The following MFSD8 variants were observed in gnomAD, a reference collection of about 807,000 sequenced individuals.
MFSD8 encodes major facilitator superfamily domain containing 8.
Under a neutral mutation model 66.4 loss-of-function variants are expected in MFSD8, and 55 were observed. The observed-to-expected ratio is 0.83, with a 90% CI of 0.67 to 1.04. The LOEUF (loss-of-function observed/expected upper bound fraction) is 1.04. Ranked by LOEUF, MFSD8 falls within the 50% of genes least tolerant of loss-of-function variation. The pLI is 0.00. For missense variants in MFSD8, 550 were observed against 627.6 expected (o/e 0.88, Z 1.32); for synonymous variants, 202 against 212.8 (o/e 0.95, Z 0.44).
chr4:127,928,001 C>T (rs1737503580), intron 9 of MFSD8, among the ~76,000 whole-genome samples: 1 of 152,064 alleles, frequency 6.6e-6, no homozygotes, highest in African/African-American at 2.4e-5. Context: ...GCTGGGGTTG[C>T]AGATGTGAGT....
rs369032119 is a variant in MFSD8, at chr4:127,965,170, T to C, written c.-37A>G. On this transcript the variant is annotated 5_prime_UTR_variant, in exon 1 of 12. Transcript: ENST00000641686. Reference sequence around the variant, plus strand: ...CTACAAGGCGTCTTGCGCCCAACTCTCGCGACACCTGCTTTCTCCCATCCC... The same window carrying C: ...CTACAAGGCGTCTTGCGCCCAACTCCCGCGACACCTGCTTTCTCCCATCCC... 2 of 1,612,490 alleles carry C rather than the reference T, an allele frequency of 1.2e-6. No homozygotes were observed. Among genetic ancestry groups the C allele is most frequent in the Non-Finnish European group, 1.7e-6 (2 of 1,179,302 alleles).
intron 1 of MFSD8, among the ~76,000 whole-genome samples, chr4:127,960,691 T>A (rs528977381): frequency 6.6e-6 from 1 of 152,240 alleles, no homozygotes; most frequent in African/African-American, 2.4e-5. Context: ...GAGACTAGGC[T>A]AAGGTTGCAA....
At chr4:127,933,262 T>G in intron 7 of MFSD8, 169 bp from the exon 8 acceptor site, 1 of 551,224 alleles carries the variant, frequency 1.8e-6, no homozygotes, top group Non-Finnish European at 3.2e-6. Flanking sequence ...TTTTATTTTT[T>G]GAGACAGGGT....
upstream of MFSD8, chr4:127,965,462 C>T: frequency 2.1e-6 from 1 of 477,214 alleles, no homozygotes; most frequent in South Asian, 2.2e-5. Context: ...TCTCCTTCCG[C>T]TGTATCTAGC....
At chr4:127,964,355 C>G (rs1490382591) in intron 1 of MFSD8, among the ~76,000 whole-genome samples, 4 of 152,212 alleles carry the variant, frequency 2.6e-5, no homozygotes, top group African/African-American at 7.2e-5. Flanking sequence ...TCAGGCATGG[C>G]GGGCTGCAGG....
Position 127,930,717 on chromosome 4 carries a change from C to T in MFSD8, c.964G>A (p.Val322Ile), listed in dbSNP as rs1414250428. ...AGCAACTTAACTCCTAAGAAAATAA[C>T]AACGGCTTCAACCCCAAGAGCAGCA... ...ILAALGVEAV[V>I]IFLGVKLLSK... Residue 322 changes from valine to isoleucine, a missense_variant, in exon 9 of 12, where the codon GTT (valine) becomes ATT (isoleucine). Coordinates refer to ENST00000641686, the MANE Select transcript of MFSD8 (RefSeq NM_001371596.2). The T allele has an allele frequency of 2.4e-5, 38 of 1,613,354 alleles. 1 individual carries two copies. The Admixed American group carries it at 6.2e-4, about 26-fold the overall frequency.
At chr4:127,963,841 CT>C (rs1353610069) in intron 1 of MFSD8, among the ~76,000 whole-genome samples, 3 of 152,214 alleles carry the variant, frequency 2.0e-5, no homozygotes, top group Admixed American at 2.0e-4. Context: ...CACCCACATC[CT>C]GCTGATTGGT....
intron 7 of MFSD8, among the ~76,000 whole-genome samples, chr4:127,935,235 A>G (rs992273402): frequency 2.6e-5 from 4 of 152,038 alleles, no homozygotes; most frequent in Admixed American, 2.0e-4. Flanking sequence ...GACCTCTCTG[A>G]TTCTTAATCA....
intron 9 of MFSD8, among the ~76,000 whole-genome samples, chr4:127,923,101 T>C (rs556555447): frequency 6.6e-6 from 1 of 152,338 alleles, no homozygotes; most frequent in East Asian, 1.9e-4. Flanking sequence ...TCTCATTTCC[T>C]AATTGAATAC....
At chr4:127,958,336 C>T (rs905982623) in intron 1 of MFSD8, among the ~76,000 whole-genome samples, 3 of 152,148 alleles carry the variant, frequency 2.0e-5, no homozygotes, top group South Asian at 4.1e-4. Flanking sequence ...TTCACCTTAA[C>T]GTGAGCATTA....
chr4:127,927,523 CA>C (rs1204309211), intron 9 of MFSD8, among the ~76,000 whole-genome samples: 2 of 152,170 alleles, frequency 1.3e-5, no homozygotes, highest in Non-Finnish European at 2.9e-5. Context: ...ATCAGTTTAT[CA>C]GGATGTAGCC....
rs1398979129 is a variant in MFSD8 at position 127,920,635 on chromosome 4, C to A, written c.1552G>T (p.Glu518Ter). 1.9e-6 allele frequency: 3 copies of A among 1,613,764 alleles called. No homozygotes were observed. Among genetic ancestry groups the A allele is most frequent in the Non-Finnish European group, 2.5e-6 (3 of 1,179,984 alleles). The stretch of plus-strand genomic sequence containing the variant: ...CCATCACAGTCTTAGCTAGTTTATT[C>A]CTGAATCCTCCCATATCTTACAGAA... ...ALSVRYGRIQ[E>*] is the part of the protein sequence containing the mutation. The change falls in exon 12 of 12, where the codon GAA (glutamate) becomes TAA (stop). Residue 518 changes from glutamate to a stop codon, truncating the protein, a stop_gained. Transcript: ENST00000641686. LOFTEE classifies it high-confidence loss of function.
chr4:127,953,199 G>A (rs549411980), intron 2 of MFSD8, among the ~76,000 whole-genome samples: 1 of 152,142 alleles, frequency 6.6e-6, no homozygotes, highest in South Asian at 2.1e-4. Flanking sequence ...CATCTTAGTT[G>A]ATGTTGGTTT....
At position 127,938,606 on chromosome 4, in the gene MFSD8, A is replaced by T. The variant is rs5011745; in HGVS notation, c.754+177T>A. 0.043 allele frequency among the ~76,000 whole-genome samples: 6,113 copies of T among 141,460 alleles called. 360 individuals are homozygous for T. Among genetic ancestry groups the T allele is most frequent in the East Asian group, 0.22 (1,030 of 4,784 alleles). 92.8% of individuals were successfully genotyped at this position (141,460 alleles called of 152,430 possible). On this transcript the variant is annotated intron_variant, in intron 7 of 11. Transcript: ENST00000641686. ...TCAAAAAAAAAAAAATAAATAAATA[A>T]ATAAATAAATAAATAAATAAATAAA... is the stretch of plus-strand genomic sequence containing the variant.
Position 127,921,772 on chromosome 4 carries a change from C to G in MFSD8, c.1103-1G>C, listed in dbSNP as rs1253981134. On this transcript the variant is annotated splice_acceptor_variant, in intron 10 of 11. Transcript: ENST00000641686. LOFTEE classifies it high-confidence loss of function. ...TTAGGGATTGAATTATTGTGCAAAT[C>G]TGTAAAAACAAAACCATTGCAGTGC... 1.9e-6 allele frequency: 3 copies of G among 1,613,970 alleles called. No homozygotes were observed.
At chr4:127,929,067 A>G (rs963373150) in intron 9 of MFSD8, among the ~76,000 whole-genome samples, 1 of 152,006 alleles carries the variant, frequency 6.6e-6, no homozygotes, top group African/African-American at 2.4e-5. Context: ...CACGCCTGTA[A>G]TCCCAGCACT....
At chr4:127,942,360 T>G (rs1281389398) in intron 4 of MFSD8, among the ~76,000 whole-genome samples, 3 of 152,174 alleles carry the variant, frequency 2.0e-5, no homozygotes, top group Admixed American at 6.6e-5. Context: ...TTTGGTAATA[T>G]GAAAACAGTT....
At chr4:127,958,387 C>T (rs1372529978) in intron 1 of MFSD8, among the ~76,000 whole-genome samples, 1 of 151,598 alleles carries the variant, frequency 6.6e-6, no homozygotes, top group African/African-American at 2.4e-5. Flanking sequence ...GACAAAATGC[C>T]TTCTTATGTT....
intron 9 of MFSD8, among the ~76,000 whole-genome samples, chr4:127,923,555 A>AT (rs201245813): frequency 0.11 from 9,774 of 89,032 alleles, 400 homozygotes; most frequent in African/African-American, 0.15. Flanking sequence ...ATTTTTATTT[A>AT]TTATTATTAT....
Sources: allele counts gnomAD v4.1 joint callset (sites outside exome capture counted in the v4.1 genomes callset), GRCh38; gene constraint gnomAD v4.1.1; transcripts MANE v1.5; gene names NCBI Gene and HGNC (gene_info 2026-07-23, HGNC 2026-07-21).